SLC13A5: variants seen among roughly 807,000 people sequenced by gnomAD.
The protein encoded by SLC13A5 is solute carrier family 13 member 5.
Under a neutral mutation model 56.5 loss-of-function variants are expected in SLC13A5, and 25 were observed. The ratio of observed to expected loss-of-function variants is 0.44; its 90% CI spans 0.32 to 0.62. SLC13A5 has a LOEUF of 0.62. Among genes scored for constraint, SLC13A5 ranks in the 20% least tolerant of loss-of-function variants. The pLI is 0.04. For missense variants in SLC13A5, 649 were observed against 737.8 expected, an observed-to-expected ratio of 0.88 and a Z score of 1.39; for synonymous variants, 307 against 301.5, an observed-to-expected ratio of 1.02 and a Z score of -0.19.
At position 6,711,683 on chromosome 17, in the gene SLC13A5, T is replaced by G. The variant is rs956699231; in HGVS notation, c.102+1549A>C. ...TGTTTGTGTGTGTGTCTGTGTGTGT[T>G]TGTGAGTGTGTGTGTGTGAGAGAGA... is the stretch of plus-strand genomic sequence containing the variant. On this transcript the variant is annotated intron_variant, in intron 1 of 11. Transcript: ENST00000433363. This position sits in a 1 kb window ranked among gnomAD's most constrained non-coding sequence, Gnocchi z 4.0. Among the ~76,000 whole-genome samples, 2 of 150,524 alleles carry G rather than the reference T, an allele frequency of 1.3e-5. No individual in the cohort carries two copies. Among genetic ancestry groups the G allele is most frequent in the African/African-American group, 2.4e-5 (1 of 40,926 alleles).
rs762327817 is a variant in SLC13A5, at chr17:6,701,163, G to A, written c.717-37C>T. On this transcript the variant is annotated intron_variant, in intron 5 of 11. Transcript: ENST00000433363. This position sits in a 1 kb window ranked among gnomAD's most constrained non-coding sequence, Gnocchi z 4.1. ...CACCGGCCCCCACCTCAGATGCTGA[G>A]CTGTGGGAGCCAGCCTGGCCCTGTG... 7 of 1,611,140 alleles carry A rather than the reference G, an allele frequency of 4.3e-6. No homozygotes were observed. In the East Asian group the frequency reaches 1.6e-4, roughly 36 times the overall value.
intron 3 of SLC13A5, chr17:6,704,807 C>T (rs915207067): frequency 6.4e-6 from 1 of 156,596 alleles, no homozygotes; most frequent in Non-Finnish European, 1.4e-5. Flanking sequence ...GGACCACGCT[C>T]TCAGTGTGTG....
chr17:6,710,447 T>A (rs757240945), intron 1 of SLC13A5, among the ~76,000 whole-genome samples: 2 of 152,192 alleles, frequency 1.3e-5, no homozygotes, highest in South Asian at 2.1e-4. Flanking sequence ...TCGGTAACTT[T>A]TGATTCTCTA....
chr17:6,712,815 G>A (rs888608082), intron 1 of SLC13A5, among the ~76,000 whole-genome samples: 13 of 152,200 alleles, frequency 8.5e-5, no homozygotes, highest in African/African-American at 3.1e-4. Context: ...GGAAAAGACA[G>A]GAGAGAGAGA....
intron 3 of SLC13A5, 132 bp from the exon 4 acceptor site, chr17:6,704,188 T>C: frequency 1.0e-6 from 1 of 967,452 alleles, no homozygotes; most frequent in Non-Finnish European, 1.6e-6. Context: ...GATCAGATAT[T>C]GGAATAGGGA....
At position 6,686,137 on chromosome 17, in the gene SLC13A5, A is replaced by G; in HGVS notation, c.*70T>C. On this transcript the variant is annotated 3_prime_UTR_variant, in exon 12 of 12. Transcript: ENST00000433363. ...TGGGGTGTGAACCCCAAAACTCTGT[A>G]CAAGGTGTGCCAGAAGGTTCGGTAG... is the stretch of plus-strand genomic sequence containing the variant. 6.2e-7 allele frequency: 1 copy of G among 1,603,682 alleles called. No individual in the cohort carries two copies.
Position 6,711,504 on chromosome 17 carries a change from G to A in SLC13A5, c.102+1728C>T, listed in dbSNP as rs565787036. Among the ~76,000 whole-genome samples the A allele has an allele frequency of 1.5e-3, 183 of 124,156 alleles. 1 individual carries two copies. Among genetic ancestry groups the A allele is most frequent in the African/African-American group, 8.1e-3 (144 of 17,862 alleles). The allele number at this position is 124,156 out of a possible 152,430, so 81.5% of individuals were successfully genotyped here. A position where few individuals can be genotyped will look rare whatever the true frequency, so the allele number is the denominator to read the frequency against. ...GTTCAGGGTGTGTGTGTGTGTGTGT[G>A]TGTATGTGTATGTGTGTGTTTGTGT... On this transcript the variant is annotated intron_variant, in intron 1 of 11. Transcript: ENST00000433363. This position sits in a 1 kb window ranked among gnomAD's most constrained non-coding sequence, Gnocchi z 4.0.
Position 6,691,505 on chromosome 17 carries a change from G to A in SLC13A5, c.1276-565C>T, listed in dbSNP as rs376571307. On this transcript the variant is annotated intron_variant, in intron 9 of 11. Coordinates refer to ENST00000433363, the MANE Select transcript of SLC13A5 (RefSeq NM_177550.5). ...CTTTGGGCTGAGAAGAGATTGTCCA[G>A]GGAGAGAATGAAGTGTAAAAAGAGG... Among the ~76,000 whole-genome samples the A allele has an allele frequency of 5.9e-5, 9 of 152,342 alleles. 1 individual carries two copies. In the South Asian group the frequency reaches 1.9e-3, roughly 32 times the overall value.
Position 6,692,958 on chromosome 17 carries a change from C to T in SLC13A5, c.1275+86G>A. ...TACGAAGGATGCAGGCACAGAAACA[C>T]ACAAGCCCAGGGATGGAAGGGTGGA... is the stretch of plus-strand genomic sequence containing the variant. On this transcript the variant is annotated intron_variant, in intron 9 of 11. Transcript: ENST00000433363. The surrounding 1 kb of genome is among the most constrained non-coding windows in gnomAD (Gnocchi z 5.5). 1 of 1,026,590 alleles carries T rather than the reference C, an allele frequency of 9.7e-7. No individual in the cohort carries two copies. Among genetic ancestry groups the T allele is most frequent in the Non-Finnish European group, 1.5e-6 (1 of 646,392 alleles). The allele number at this position is 1,026,590 out of a possible 1,614,324, so 63.6% of individuals were successfully genotyped here.
At chr17:6,695,971 G>A (rs777662483) in intron 6 of SLC13A5, 30 bp from the exon 7 acceptor site, 3 of 1,603,862 alleles carry the variant, frequency 1.9e-6, no homozygotes, top group Middle Eastern at 1.7e-4. Flanking sequence ...GAGAAGGGCA[G>A]GGCAGACTGG....
chr17:6,691,852 C>G (rs1166686949), intron 9 of SLC13A5, among the ~76,000 whole-genome samples: 1 of 152,194 alleles, frequency 6.6e-6, no homozygotes, highest in Non-Finnish European at 1.5e-5. Context: ...CTACTGCATT[C>G]ACGATCAAGT....
chr17:6,690,501 T>C (rs1179692397), intron 10 of SLC13A5, among the ~76,000 whole-genome samples: 1 of 152,196 alleles, frequency 6.6e-6, no homozygotes, highest in African/African-American at 2.4e-5. Context: ...TCTCCCCAGC[T>C]TGAAAAATAA....
intron 3 of SLC13A5, chr17:6,704,359 CT>C (rs1277379741): frequency 3.9e-6 from 2 of 511,984 alleles, no homozygotes; most frequent in Non-Finnish European, 7.6e-6. Context: ...AGGAGCACCC[CT>C]GCCCCACCAT....
intron 7 of SLC13A5, among the ~76,000 whole-genome samples, chr17:6,694,594 G>A (rs1973509480): frequency 6.6e-6 from 1 of 152,178 alleles, no homozygotes; most frequent in South Asian, 2.1e-4. Flanking sequence ...CTGGGTGACA[G>A]TGTGAGACTC....
chr17:6,702,021 T>G (rs1973728530), intron 5 of SLC13A5, among the ~76,000 whole-genome samples: 1 of 152,190 alleles, frequency 6.6e-6, no homozygotes, highest in Non-Finnish European at 1.5e-5. Flanking sequence ...CAAAGAAAGT[T>G]ACTGGAGAAC....
Position 6,695,887 on chromosome 17 carries a change from G to A in SLC13A5, c.894C>T (p.Ala298=), listed in dbSNP as rs972585833. 3.1e-6 allele frequency: 5 copies of A among 1,613,962 alleles called. No individual in the cohort carries two copies. The highest frequency in any genetic ancestry group is 4.5e-5 in the East Asian group (2 of 44,886). The change falls in exon 7 of 12, where the codon GCC becomes GCT. Residue 298 remains alanine, a synonymous_variant. Transcript: ENST00000433363. ...GGTACTCCTCCTGCAGCACCTTGAG[G>A]GCAGCCTTCTCGTTTTTCTTGCTCT... ...GLESKKNEKA[A]LKVLQEEYRK...
Position 6,685,844 on chromosome 17 carries a change from G to A in SLC13A5, c.*363C>T, listed in dbSNP as rs755911637. Reference sequence around the variant, plus strand: ...GATTCCCATTTAAACTATCTAGGACGAAGCGAGTGAAAACCAGAGCCCTGT... The same window carrying A: ...GATTCCCATTTAAACTATCTAGGACAAAGCGAGTGAAAACCAGAGCCCTGT... On this transcript the variant is annotated 3_prime_UTR_variant, in exon 12 of 12. Transcript: ENST00000433363. This position sits in a 1 kb window ranked among gnomAD's most constrained non-coding sequence, Gnocchi z 4.2. 1.0e-4 allele frequency: 28 copies of A among 268,508 alleles called. No individual in the cohort carries two copies. Among genetic ancestry groups the A allele is most frequent in the Non-Finnish European group, 1.9e-4 (26 of 135,970 alleles). The allele number at this position is 268,508 out of a possible 1,614,324, so 16.6% of individuals were successfully genotyped here. A position where few individuals can be genotyped will look rare whatever the true frequency, so the allele number is the denominator to read the frequency against.
chr17:6,698,742 T>A (rs765539896), intron 6 of SLC13A5, among the ~76,000 whole-genome samples: 1 of 152,126 alleles, frequency 6.6e-6, no homozygotes, highest in Non-Finnish European at 1.5e-5. Context: ...ATTAATTAAG[T>A]TTAAGAGTGC....
In SLC13A5 at chr17:6,692,320, C is replaced by T. The variant is rs1461191451; in HGVS notation, c.1275+724G>A. 6.6e-6 allele frequency among the ~76,000 whole-genome samples: 1 copy of T among 151,976 alleles called. No individual in the cohort carries two copies. The highest frequency in any genetic ancestry group is 1.5e-5 in the Non-Finnish European group (1 of 67,960). ...GGATGGATGAAGACATGAATAGATG[C>T]ATGGATGATGGATGGAGAGGTGACT... On this transcript the variant is annotated intron_variant, in intron 9 of 11. Transcript: ENST00000433363. This position sits in a 1 kb window ranked among gnomAD's most constrained non-coding sequence, Gnocchi z 5.5.
Sources: gnomAD v4.1 joint callset for allele counts (sites outside exome capture counted in the v4.1 genomes callset) on GRCh38, gnomAD v4.1.1 for gene constraint, Gnocchi (gnomAD v3.1) non-coding constraint, MANE v1.5 for transcripts, NCBI Gene and HGNC (gene_info 2026-07-23, HGNC 2026-07-21) for gene names.